FRMD4A: variants seen among roughly 807,000 people sequenced by gnomAD.
FRMD4A encodes FERM domain-containing protein 4A.
In FRMD4A, 29 loss-of-function variants were observed where a neutral mutation model predicts 129.1. The observed-to-expected ratio is 0.22, with a 90% CI of 0.17 to 0.31. The LOEUF (loss-of-function observed/expected upper bound fraction) is 0.31, where lower values mean the gene tolerates loss of function less well. Ranked by LOEUF, FRMD4A falls within the 10% of genes least tolerant of loss-of-function variation. The probability of loss-of-function intolerance (pLI) is 1.00; values close to 1 mark genes in which losing one functional copy is unlikely to be tolerated. For synonymous variants in FRMD4A, 634 were observed against 571.6 expected, an observed-to-expected ratio of 1.11 and a Z score of -1.56; for missense variants, 1,272 against 1,375.8, an observed-to-expected ratio of 0.92 and a Z score of 1.19.
At chr10:14,204,711 C>A (rs1842731020) in intron 2 of FRMD4A, among the ~76,000 whole-genome samples, 1 of 152,034 alleles carries the variant, frequency 6.6e-6, no homozygotes, top group Non-Finnish European at 1.5e-5. Flanking sequence ...GGGCACATCA[C>A]GGAAACTGTC....
intron 2 of FRMD4A, among the ~76,000 whole-genome samples, chr10:13,884,154 T>TCACACACACACA (rs1564970810): frequency 1.8e-5 from 2 of 111,156 alleles, no homozygotes; most frequent in African/African-American, 7.2e-5. Flanking sequence ...TCTCACACAC[T>TCACACACACACA]CTCACACACA....
At chr10:14,088,417 C>T (rs565672249) in intron 2 of FRMD4A, among the ~76,000 whole-genome samples, 2 of 151,316 alleles carry the variant, frequency 1.3e-5, no homozygotes, top group East Asian at 1.9e-4. Flanking sequence ...TCTGCTCCAG[C>T]CTGGGTGACA....
At chr10:14,238,368 G>A (rs1489403510) in intron 2 of FRMD4A, among the ~76,000 whole-genome samples, 3 of 152,130 alleles carry the variant, frequency 2.0e-5, no homozygotes, top group African/African-American at 7.2e-5. Flanking sequence ...TGTGGCGTTC[G>A]GCCAAGAAAT....
chr10:13,670,449 G>A lies in FRMD4A; in HGVS notation c.1331C>T (p.Thr444Ile). The A allele has an allele frequency of 1.9e-6, 3 of 1,613,364 alleles. No homozygotes were observed. Among genetic ancestry groups the A allele is most frequent in the East Asian group, 2.2e-5 (1 of 44,866 alleles). The change falls in exon 17 of 25, where the codon ACA (threonine) becomes ATA (isoleucine). Residue 444 changes from threonine (T) to isoleucine (I), a missense_variant. Around this residue, in one of 2 missense-constraint regions of FRMD4A, gnomAD observed 972 missense variants for 892.3 expected, o/e 1.09. Transcript: ENST00000357447. Reference sequence around the variant, plus strand: ...TTTCTGTTCATCCAGTTTGAAGGCTGTTCCTATTCTTCTCCGAACAATGGG... The same window carrying A: ...TTTCTGTTCATCCAGTTTGAAGGCTATTCCTATTCTTCTCCGAACAATGGG... ...EPPIVRRRIG[T>I]AFKLDEQKIL...
At chr10:13,798,704 G>A (rs77433657) in intron 4 of FRMD4A, among the ~76,000 whole-genome samples, 15 of 152,198 alleles carry the variant, frequency 9.9e-5, no homozygotes, top group Non-Finnish European at 1.8e-4. Flanking sequence ...GTGACAGAGC[G>A]AGACTCCGTC....
intron 2 of FRMD4A, among the ~76,000 whole-genome samples, chr10:14,256,740 T>G (rs1015968642): frequency 6.6e-6 from 1 of 152,296 alleles, no homozygotes; most frequent in African/African-American, 2.4e-5. Context: ...CCCAACACTT[T>G]GTGTGGCCAA....
At chr10:14,151,009 A>G (rs949966781) in intron 2 of FRMD4A, among the ~76,000 whole-genome samples, 1 of 152,196 alleles carries the variant, frequency 6.6e-6, no homozygotes, top group Admixed American at 6.5e-5. Context: ...GGAATTTTAC[A>G]TGTGCTCAGA....
chr10:13,978,110 T>C (rs1031753), intron 2 of FRMD4A, among the ~76,000 whole-genome samples: 53,040 of 152,128 alleles, frequency 0.35, 9,648 homozygotes, highest in East Asian at 0.6. Context: ...ACATTTCCAC[T>C]AGCAGTGTGT....
intron 12 of FRMD4A, among the ~76,000 whole-genome samples, chr10:13,713,310 C>T (rs2088233791): frequency 6.6e-6 from 1 of 152,162 alleles, no homozygotes. Context: ...GGACCCACAT[C>T]TTGTGACTTC....
intron 15 of FRMD4A, among the ~76,000 whole-genome samples, chr10:13,682,256 C>A (rs1166421174): frequency 1.3e-5 from 2 of 152,036 alleles, no homozygotes; most frequent in African/African-American, 2.4e-5. Context: ...CTAGCCTTTA[C>A]TAGGAGTCTG....
chr10:14,020,673 T>G (rs564736571), intron 2 of FRMD4A, among the ~76,000 whole-genome samples: 297 of 152,208 alleles, frequency 2.0e-3, no homozygotes, highest in African/African-American at 4.8e-3. Context: ...CCAATTTTTT[T>G]TTTTGTTTTG....
At chr10:13,735,119 C>T (rs1266677709) in intron 12 of FRMD4A, among the ~76,000 whole-genome samples, 1 of 152,140 alleles carries the variant, frequency 6.6e-6, no homozygotes, top group Non-Finnish European at 1.5e-5. Flanking sequence ...GTGATCCACC[C>T]GCCTCGGCCT....
intron 2 of FRMD4A, among the ~76,000 whole-genome samples, chr10:14,310,313 C>T (rs1846501373): frequency 6.6e-6 from 1 of 152,212 alleles, no homozygotes; most frequent in Non-Finnish European, 1.5e-5. Context: ...TTTCACTCCC[C>T]TCAGGCAACT....
intron 2 of FRMD4A, among the ~76,000 whole-genome samples, chr10:14,046,923 C>A (rs1834014531): frequency 6.6e-6 from 1 of 152,190 alleles, no homozygotes; most frequent in African/African-American, 2.4e-5. Context: ...GGGCTGGTCG[C>A]TGGACATCAT....
intron 2 of FRMD4A, among the ~76,000 whole-genome samples, chr10:14,056,547 T>TC (rs1194874198): frequency 6.6e-6 from 1 of 151,960 alleles, no homozygotes; most frequent in East Asian, 1.9e-4. Context: ...CATCCTCACT[T>TC]CCCCCCTCCA....
At chr10:14,217,376 T>A (rs542461264) in intron 2 of FRMD4A, among the ~76,000 whole-genome samples, 5 of 152,274 alleles carry the variant, frequency 3.3e-5, no homozygotes, top group African/African-American at 1.2e-4. Context: ...CCCATAATGT[T>A]TTCATGGTGG....
intron 3 of FRMD4A, among the ~76,000 whole-genome samples, chr10:13,812,330 G>T (rs933095834): frequency 6.6e-6 from 1 of 152,190 alleles, no homozygotes; most frequent in African/African-American, 2.4e-5. Context: ...TGAGGGTGGG[G>T]CCCCCAAGAT....
intron 2 of FRMD4A, among the ~76,000 whole-genome samples, chr10:13,874,150 GCAGGAGAATCGCTTGAACCT>G (rs1439329359): frequency 6.7e-6 from 1 of 149,132 alleles, no homozygotes; most frequent in African/African-American, 2.5e-5. Flanking sequence ...GGAGGCTGAG[GCAGGAGAATCGCTTGAACCT>G]GCCAGGCGCA....
chr10:13,720,603 C>T (rs766689993), intron 12 of FRMD4A, among the ~76,000 whole-genome samples: 5 of 152,148 alleles, frequency 3.3e-5, no homozygotes, highest in South Asian at 2.1e-4. Context: ...AAGAAAACTA[C>T]GTGGTACATA....
Sources: gnomAD v4.1 joint callset for allele counts (sites outside exome capture counted in the v4.1 genomes callset) on GRCh38, gnomAD v4.1.1 for gene constraint, gnomAD v4.1.1 regional missense constraint, MANE v1.5 for transcripts, NCBI Gene and HGNC (gene_info 2026-07-23, HGNC 2026-07-21) for gene names.